SALL1: variants seen among roughly 807,000 people sequenced by gnomAD.
SALL1 encodes the protein sal-like protein 1.
Under a neutral mutation model 73.1 loss-of-function variants are expected in SALL1, and 10 were observed. The observed-to-expected ratio is 0.14, with a 90% CI of 0.08 to 0.23. SALL1 has a LOEUF of 0.23. Ranked by LOEUF, SALL1 falls within the 10% of genes least tolerant of loss-of-function variation. The pLI, the probability that SALL1 is intolerant of heterozygous loss-of-function variation, is 1.00. For missense variants in SALL1, 1,520 were observed against 1,697.3 expected (o/e 0.90, Z 1.84); for synonymous variants, 688 against 689.8 (o/e 1.00, Z 0.04).
rs1197587893 is a variant in SALL1, at chr16:51,140,349, C to T, written c.1873G>A (p.Glu625Lys). 9.9e-6 allele frequency: 16 copies of T among 1,614,046 alleles called. No homozygotes were observed. Among genetic ancestry groups the T allele is most frequent in the Middle Eastern group, 1.6e-4 (1 of 6,084 alleles). ...STLPPSGGKS[E>K]ESGMVTNSVP... ...GAGTTGGTGACCATGCCACTCTCTT[C>T]GCTTTTGCCACCAGAGGGTGGCAGA... The change falls in exon 2 of 3, where the codon GAA (glutamate) becomes AAA (lysine). Residue 625 changes from glutamate to lysine, a missense_variant. Glu to Lys is a moderately conservative substitution (Grantham distance 56). This residue lies in a region of SALL1 where 276 missense variants were observed against 259.1 expected (regional missense o/e 1.07). Coordinates refer to ENST00000251020, the MANE Select transcript of SALL1 (RefSeq NM_002968.3). This position sits in a 1 kb window ranked among gnomAD's most constrained non-coding sequence, Gnocchi z 5.7.
At chr16:51,137,587 A>G (rs1349502727) in intron 2 of SALL1, 35 bp from the exon 3 acceptor site, 1 of 1,513,674 alleles carries the variant, frequency 6.6e-7, no homozygotes, top group Admixed American at 1.7e-5. Context: ...AGAGACAGAG[A>G]GAGAGAGAGA....
At chr16:51,145,768 A>G (rs1326898761) in intron 1 of SALL1, among the ~76,000 whole-genome samples, 1 of 152,206 alleles carries the variant, frequency 6.6e-6, no homozygotes, top group Non-Finnish European at 1.5e-5. Context: ...AGGAAGGGAA[A>G]AAACAAAACA....
In SALL1 at chr16:51,139,627, A is replaced by G. The variant is rs1481503897; in HGVS notation, c.2595T>C (p.Ala865=). 1 of 1,613,636 alleles carries G rather than the reference A, an allele frequency of 6.2e-7. No homozygotes were observed. Among genetic ancestry groups the G allele is most frequent in the African/African-American group, 1.3e-5 (1 of 75,014 alleles). Residue 865 remains alanine, a synonymous_variant, in exon 2 of 3, where the codon GCT becomes GCC. Transcript: ENST00000251020. ...PLPLEMSSIA[A]LENQMKMINA... ...TGATCATCTTCATCTGATTTTCCAA[A>G]GCAGCGATGCTCGACATCTCGAGGG...
chr16:51,141,552 G>C lies in SALL1; in HGVS notation c.670C>G (p.Leu224Val), dbSNP rs757169550. Residue 224 changes from leucine (L) to valine (V), a missense_variant, in exon 2 of 3, where the codon CTG (leucine) becomes GTG (valine). Around this residue, in one of 7 missense-constraint regions of SALL1, gnomAD observed 540 missense variants for 567.5 expected, o/e 0.95. Transcript: ENST00000251020. This position sits in a 1 kb window ranked among gnomAD's most constrained non-coding sequence, Gnocchi z 5.4. ...TGTTCCATGAGGGCTGGGACGGCCAGCTTGCCCCCAGAGGCCCCGCCGCAC... is the reference window on the plus strand; with the variant it reads ...TGTTCCATGAGGGCTGGGACGGCCACCTTGCCCCCAGAGGCCCCGCCGCAC... ...ARCGGASGGK[L>V]AVPALMEQLL... is the part of the protein sequence containing the mutation. The C allele has an allele frequency of 6.2e-7, 1 of 1,614,180 alleles. No homozygotes were observed. The highest frequency in any genetic ancestry group is 8.5e-7 in the Non-Finnish European group (1 of 1,180,036).
rs772813592 is a variant in SALL1 at position 51,137,088 on chromosome 16, G to A, written c.*24C>T. 3.1e-6 allele frequency: 5 copies of A among 1,612,650 alleles called. No individual in the cohort carries two copies. The African/African-American group carries it at 5.3e-5, about 17-fold the overall frequency. On this transcript the variant is annotated 3_prime_UTR_variant, in exon 3 of 3. Transcript: ENST00000251020. Reference sequence around the variant, plus strand: ...GGTCGCATTCTGAACAGGAATGAATGCTATGTCTCCAGCCCGAGCTGCTTT... The same window carrying A: ...GGTCGCATTCTGAACAGGAATGAATACTATGTCTCCAGCCCGAGCTGCTTT...
At chr16:51,148,144 T>A (rs1053213326) in intron 1 of SALL1, among the ~76,000 whole-genome samples, 1 of 152,220 alleles carries the variant, frequency 6.6e-6, no homozygotes, top group African/African-American at 2.4e-5. Context: ...GTTTTTGTTT[T>A]TGTATTTTGT....
rs115988599 is a variant in SALL1, at chr16:51,142,251, C to G, written c.77-106G>C. The G allele has an allele frequency of 2.6e-3, 2,290 of 880,650 alleles. 35 individuals carry two copies. The African/African-American group carries it at 0.035, about 13-fold the overall frequency. 54.6% of individuals were successfully genotyped at this position (880,650 alleles called of 1,614,324 possible). A position where few individuals can be genotyped will look rare whatever the true frequency, so the allele number is the denominator to read the frequency against. ...TCAATGGTTTTCCACCTGCAAAACTCAAAACTGTAGCCCTTGAAAACCAAT... is the reference window on the plus strand; with the variant it reads ...TCAATGGTTTTCCACCTGCAAAACTGAAAACTGTAGCCCTTGAAAACCAAT... On this transcript the variant is annotated intron_variant, in intron 1 of 2. Coordinates refer to ENST00000251020, the MANE Select transcript of SALL1 (RefSeq NM_002968.3).
At chr16:51,151,139 G>C (rs1185080048) in intron 1 of SALL1, 27 bp downstream of exon 1, 4 of 1,557,902 alleles carry the variant, frequency 2.6e-6, no homozygotes, top group Non-Finnish European at 3.5e-6. Flanking sequence ...GTGTGTGTGT[G>C]TCCACGGCGC....
At chr16:51,146,161 C>T (rs972979364) in intron 1 of SALL1, among the ~76,000 whole-genome samples, 1 of 152,016 alleles carries the variant, frequency 6.6e-6, no homozygotes, top group Admixed American at 6.6e-5. Flanking sequence ...CACCAAATGA[C>T]AAATTTCCTG....
intron 1 of SALL1, chr16:51,149,853 C>A (rs79516736): frequency 1.3e-5 from 2 of 152,048 alleles, no homozygotes; most frequent in Non-Finnish European, 2.9e-5. Context: ...ATCAGGGTCA[C>A]GCTTCGGAGC....
At chr16:51,151,640 G>A (rs1337238287), upstream of SALL1, among the ~76,000 whole-genome samples, 3 of 151,114 alleles carry the variant, frequency 2.0e-5, no homozygotes, top group African/African-American at 7.3e-5. Flanking sequence ...CCGGGACTCC[G>A]CGGCCCGGCC....
Position 51,142,031 on chromosome 16 carries a change from T to A in SALL1, c.191A>T (p.Asn64Ile). The A allele has an allele frequency of 6.2e-7, 1 of 1,614,006 alleles. No individual in the cohort carries two copies. The highest frequency in any genetic ancestry group is 8.5e-7 in the Non-Finnish European group (1 of 1,179,946). The change falls in exon 2 of 3, where the codon AAC (asparagine) becomes ATC (isoleucine). Residue 64 changes from asparagine to isoleucine, a missense_variant. Transcript: ENST00000251020. The stretch of plus-strand genomic sequence containing the variant: ...TAAAACTAATTGATTTTTAGTACAG[T>A]TCTTCTTGTGGAGCAGAAGATCTGA... ...ELSDLLLHKKNCTKNQLVLIV... is the reference protein window; with the variant it reads ...ELSDLLLHKKICTKNQLVLIV...
chr16:51,141,986 G>C lies in SALL1; in HGVS notation c.236C>G (p.Ala79Gly), dbSNP rs1962448097. The change falls in exon 2 of 3, where the codon GCC (alanine) becomes GGC (glycine). Residue 79 changes from alanine to glycine, a missense_variant. By Grantham distance (60) the Ala-to-Gly change is moderately conservative. Coordinates refer to ENST00000251020, the MANE Select transcript of SALL1 (RefSeq NM_002968.3). This position sits in a 1 kb window ranked among gnomAD's most constrained non-coding sequence, Gnocchi z 5.4. ...QLVLIVNENP[A>G]SPPETFSPSP... ...GGGGGAGAAGGTTTCGGGTGGGGAG[G>C]CTGGATTTTCATTTACGATTAAAAC... 2 of 1,613,834 alleles carry C rather than the reference G, an allele frequency of 1.2e-6. No individual in the cohort carries two copies. The highest frequency in any genetic ancestry group is 1.7e-6 in the Non-Finnish European group (2 of 1,180,002).
Position 51,137,271 on chromosome 16 carries a change from G to A in SALL1, c.3816C>T (p.Ser1272=), listed in dbSNP as rs1475150821. 6.2e-7 allele frequency: 1 copy of A among 1,614,116 alleles called. No homozygotes were observed. The part of the protein sequence containing the change: ...PIPGSLGSGN[S]SPVSGLTGNL... ...TTCCCGTCAGCCCACTAACAGGTGA[G>A]CTGTTCCCACTGCCGAGGCTTCCAG... The change falls in exon 3 of 3, where the codon AGC becomes AGT. Residue 1272 remains serine, a synonymous_variant. Coordinates refer to ENST00000251020, the MANE Select transcript of SALL1 (RefSeq NM_002968.3).
chr16:51,137,769 C>T (rs1318688023), intron 2 of SALL1, among the ~76,000 whole-genome samples: 9 of 152,198 alleles, frequency 5.9e-5, no homozygotes, highest in African/African-American at 1.9e-4. Context: ...CTCTCTGCAG[C>T]CCTGGGCTGT....
At chr16:51,142,908 C>T (rs1962465636) in intron 1 of SALL1, among the ~76,000 whole-genome samples, 1 of 152,194 alleles carries the variant, frequency 6.6e-6, no homozygotes, top group Admixed American at 6.5e-5. Flanking sequence ...GATGTAACTC[C>T]GGCTACCATT....
At position 51,139,723 on chromosome 16, in the gene SALL1, A is replaced by T. The variant is rs759084819; in HGVS notation, c.2499T>A (p.Pro833=). 2.5e-6 allele frequency: 4 copies of T among 1,614,254 alleles called. No homozygotes were observed. The South Asian group carries it at 4.4e-5, about 18-fold the overall frequency. The stretch of plus-strand genomic sequence containing the variant: ...TAGGTGTATCAGGGATGCTGCCCTC[A>T]GGACAGTCTTCCATGTTTTCATCAG... ...NFSDENMEDC[P]EGSIPDTPKS... is the part of the protein sequence containing the mutation. Residue 833 remains proline, a synonymous_variant, in exon 2 of 3, where the codon CCT becomes CCA. Transcript: ENST00000251020.
chr16:51,144,639 C>CAGAGAAA, intron 1 of SALL1, among the ~76,000 whole-genome samples: 2 of 152,278 alleles, frequency 1.3e-5, no homozygotes, highest in South Asian at 4.1e-4. Context: ...CTGATATTCT[C>CAGAGAAA]ATAATATACA....
At chr16:51,138,216 G>A (rs1207246682) in intron 2 of SALL1, among the ~76,000 whole-genome samples, 1 of 152,178 alleles carries the variant, frequency 6.6e-6, no homozygotes, top group Non-Finnish European at 1.5e-5. Flanking sequence ...TAGCAGAGCA[G>A]TGACGTTATT....
Sources: gnomAD v4.1 joint callset for allele counts (sites outside exome capture counted in the v4.1 genomes callset) on GRCh38, gnomAD v4.1.1 for gene constraint, gnomAD v4.1.1 regional missense constraint, Gnocchi (gnomAD v3.1) non-coding constraint, MANE v1.5 for transcripts, NCBI Gene and HGNC (gene_info 2026-07-23, HGNC 2026-07-21) for gene names.